Variants in ANKFN1 observed in about 807,000 individuals in gnomAD.
ANKFN1 encodes ankyrin repeat and fibronectin type-III domain-containing protein 1.
In ANKFN1, 74 loss-of-function variants were observed where a neutral mutation model predicts 108.7. The observed-to-expected ratio is 0.68, with a 90% CI of 0.56 to 0.83. The LOEUF (loss-of-function observed/expected upper bound fraction) is 0.83. ANKFN1 is among the 40% of genes least tolerant of loss of function. ANKFN1 has a pLI of 0.00. For synonymous variants in ANKFN1, 547 were observed against 516.2 expected (o/e 1.06, Z -0.81); for missense variants, 1,505 against 1,382.3 (o/e 1.09, Z -1.41).
intron 8 of ANKFN1, among the ~76,000 whole-genome samples, chr17:56,436,510 T>C (rs1428944828): frequency 6.6e-6 from 1 of 152,168 alleles, no homozygotes; most frequent in African/African-American, 2.4e-5. Flanking sequence ...AAGAGAACAT[T>C]CTGAGTTAAC....
intron 20 of ANKFN1, among the ~76,000 whole-genome samples, chr17:56,504,039 T>A (rs1339179565): frequency 6.6e-6 from 1 of 152,242 alleles, no homozygotes; most frequent in East Asian, 1.9e-4. Context: ...GTGGCCTAAG[T>A]CCTTGGAAAC....
chr17:56,056,722 T>C (rs532958460), intron 4 of ANKFN1, among the ~76,000 whole-genome samples: 235 of 152,360 alleles, frequency 1.5e-3, no homozygotes, highest in Non-Finnish European at 2.6e-3. Context: ...ATAAAAATCC[T>C]AGAAGAAAAC....
chr17:56,401,486 G>T (rs1300815168), intron 8 of ANKFN1, among the ~76,000 whole-genome samples: 1 of 151,874 alleles, frequency 6.6e-6, no homozygotes, highest in Non-Finnish European at 1.5e-5. Flanking sequence ...TTATCTGCTT[G>T]GCTGCTGTTG....
chr17:56,050,275 G>T (rs1904752257), intron 4 of ANKFN1, among the ~76,000 whole-genome samples: 1 of 149,476 alleles, frequency 6.7e-6, no homozygotes, highest in Non-Finnish European at 1.5e-5. Context: ...GGAGTTCATT[G>T]TAGATTCTGG....
chr17:56,408,013 C>A (rs2047974478), intron 8 of ANKFN1, among the ~76,000 whole-genome samples: 1 of 142,846 alleles, frequency 7.0e-6, no homozygotes, highest in South Asian at 2.2e-4. Flanking sequence ...CGGCTCACTG[C>A]AACCTCCGCC....
intron 15 of ANKFN1, among the ~76,000 whole-genome samples, chr17:56,476,968 C>A (rs2050521217): frequency 6.6e-6 from 1 of 152,098 alleles, no homozygotes; most frequent in South Asian, 2.1e-4. Flanking sequence ...TTGGCAGTAC[C>A]TTTTTAATTT....
intron 4 of ANKFN1, among the ~76,000 whole-genome samples, chr17:56,341,631 C>A (rs1410764756): frequency 6.6e-6 from 1 of 151,942 alleles, no homozygotes; most frequent in African/African-American, 2.4e-5. Context: ...TATGTTGAAC[C>A]AACTTTGCAT....
intron 4 of ANKFN1, among the ~76,000 whole-genome samples, chr17:56,071,626 T>C (rs1905122128): frequency 6.6e-6 from 1 of 152,222 alleles, no homozygotes; most frequent in Admixed American, 6.5e-5. Context: ...TGTTTTTTGT[T>C]TGTTTGTTTG....
At chr17:56,293,092 C>T (rs2044408344) in intron 3 of ANKFN1, among the ~76,000 whole-genome samples, 1 of 152,102 alleles carries the variant, frequency 6.6e-6, no homozygotes, top group African/African-American at 2.4e-5. Context: ...ATAAATGGGC[C>T]AAGTACTGTC....
intron 18 of ANKFN1, 92 bp downstream of exon 18, chr17:56,482,616 G>T: frequency 6.9e-7 from 1 of 1,444,856 alleles, no homozygotes; most frequent in Non-Finnish European, 9.4e-7. Context: ...CCCAGTGGAG[G>T]GTCAATAAAT....
At chr17:56,470,827 C>T (rs2050292709) in intron 15 of ANKFN1, among the ~76,000 whole-genome samples, 1 of 152,148 alleles carries the variant, frequency 6.6e-6, no homozygotes, top group African/African-American at 2.4e-5. Flanking sequence ...ATCCTCCTCA[C>T]CCTTGCCTGG....
intron 4 of ANKFN1, among the ~76,000 whole-genome samples, chr17:56,122,701 A>G (rs555462887): frequency 2.0e-5 from 3 of 152,226 alleles, no homozygotes; most frequent in Non-Finnish European, 4.4e-5. Flanking sequence ...TCAGAAAGAA[A>G]GAGAAAGAAA....
intron 1 of ANKFN1, among the ~76,000 whole-genome samples, chr17:56,178,673 G>A (rs1177804949): frequency 9.2e-5 from 14 of 152,006 alleles, no homozygotes; most frequent in Admixed American, 9.2e-4. Flanking sequence ...CTCAGGGTGG[G>A]CGGGAATGAC....
At chr17:56,199,166 A>G (rs1206385984) in intron 1 of ANKFN1, among the ~76,000 whole-genome samples, 1 of 150,296 alleles carries the variant, frequency 6.7e-6, no homozygotes, top group Non-Finnish European at 1.5e-5. Context: ...AGTCCTGCAC[A>G]TTTTGTGGTT....
intron 1 of ANKFN1, among the ~76,000 whole-genome samples, chr17:56,170,909 A>G (rs1403380036): frequency 6.6e-6 from 1 of 150,672 alleles, no homozygotes; most frequent in Non-Finnish European, 1.5e-5. Flanking sequence ...ACCGCCATAC[A>G]CACATACATC....
chr17:56,347,901 A>G (rs2144655165), intron 4 of ANKFN1, among the ~76,000 whole-genome samples: 1 of 152,190 alleles, frequency 6.6e-6, no homozygotes, highest in East Asian at 1.9e-4. Flanking sequence ...TCAATAGACA[A>G]GAATTTATTT....
intron 18 of ANKFN1, among the ~76,000 whole-genome samples, chr17:56,484,793 G>A (rs2050807453): frequency 6.6e-6 from 1 of 152,212 alleles, no homozygotes; most frequent in Non-Finnish European, 1.5e-5. Context: ...ATTCCATTCT[G>A]TGTTAAACAG....
chr17:56,407,919 AATCTTTTTT>A (rs2047968784), intron 8 of ANKFN1, among the ~76,000 whole-genome samples: 1 of 148,746 alleles, frequency 6.7e-6, no homozygotes, highest in South Asian at 2.1e-4. Flanking sequence ...AAATATTTAA[AATCTTTTTT>A]ATCTTTTTTT....
At chr17:56,449,053 C>A in intron 10 of ANKFN1, 26 bp from the exon 11 acceptor site, 1 of 1,600,582 alleles carries the variant, frequency 6.2e-7, no homozygotes, top group Non-Finnish European at 8.6e-7. Context: ...TAAAATTTCA[C>A]TATGTTTATT....
Sources: gnomAD v4.1 joint callset for allele counts (sites outside exome capture counted in the v4.1 genomes callset) on GRCh38, gnomAD v4.1.1 for gene constraint, MANE v1.5 for transcripts, NCBI Gene and HGNC (gene_info 2026-07-23, HGNC 2026-07-21) for gene names.